RSBN1L: variants seen among roughly 807,000 people sequenced by gnomAD.
RSBN1L encodes the protein round spermatid basic protein 1 like.
A neutral mutation model predicts 67.7 loss-of-function variants in RSBN1L; 30 were observed. That is an observed-to-expected ratio of 0.44 (90% CI 0.33 to 0.60). The LOEUF (loss-of-function observed/expected upper bound fraction) is 0.60, where lower values mean the gene tolerates loss of function less well. Among genes scored for constraint, RSBN1L ranks in the 20% least tolerant of loss-of-function variants. RSBN1L has a pLI of 0.02. For synonymous variants in RSBN1L, 433 were observed against 387.0 expected, an observed-to-expected ratio of 1.12 and a Z score of -1.39; for missense variants, 992 against 1,031.7, an observed-to-expected ratio of 0.96 and a Z score of 0.53.
Position 77,782,971 on chromosome 7 carries a change from G to T in RSBN1L, c.*3803G>T, listed in dbSNP as rs947132917. The T allele has an allele frequency of 7.2e-5, 11 of 152,170 alleles. No homozygotes were observed. The highest frequency in any genetic ancestry group is 2.4e-4 in the African/African-American group (10 of 41,448). The allele number at this position is 152,170 out of a possible 1,614,324, so 9.4% of individuals were successfully genotyped here. A position where few individuals can be genotyped will look rare whatever the true frequency, so the allele number is the denominator to read the frequency against. ...CAACATTTGTTTTTGGAGTTTGAGA[G>T]ATATTTTCCTTGTCTTCCATCATTC... is the stretch of plus-strand genomic sequence containing the variant. On this transcript the variant is annotated 3_prime_UTR_variant, in exon 8 of 8. Coordinates refer to ENST00000334955, the MANE Select transcript of RSBN1L (RefSeq NM_198467.3).
At position 77,775,195 on chromosome 7, in the gene RSBN1L, C is replaced by T. The variant is rs531081246; in HGVS notation, c.1793+1881C>T. On this transcript the variant is annotated intron_variant, in intron 6 of 7. Transcript: ENST00000334955. The stretch of plus-strand genomic sequence containing the variant: ...GCTCAAAGTGCTAGGATTACAGGTG[C>T]GAAACACTGCACCTGGCCTTATTAG... Among the ~76,000 whole-genome samples, 188 of 152,144 alleles carry T rather than the reference C, an allele frequency of 1.2e-3. 1 individual carries two copies. The highest frequency in any genetic ancestry group is 4.3e-3 in the African/African-American group (178 of 41,488).
chr7:77,768,259 T>C (rs1733482347), intron 4 of RSBN1L: 1 of 155,486 alleles, frequency 6.4e-6, no homozygotes, highest in African/African-American at 2.4e-5. Context: ...TGTTTTGTTT[T>C]TAATTATCAT....
intron 4 of RSBN1L, among the ~76,000 whole-genome samples, chr7:77,767,720 C>T (rs1483581354): frequency 5.7e-5 from 7 of 122,214 alleles, no homozygotes; most frequent in Admixed American, 3.9e-4. Context: ...CTCTGTCTCT[C>T]GCCTCGCCTC....
At position 77,696,510 on chromosome 7, in the gene RSBN1L, C is replaced by A. The variant is rs1790726418; in HGVS notation, c.41C>A (p.Ala14Glu). ...PPSPVHCVAA[A>E]APTATVSEKE... ...AGCCCCGTGCACTGTGTCGCTGCCG[C>A]GGCCCCCACCGCCACCGTCTCGGAG... Residue 14 changes from alanine (A) to glutamate (E), a missense_variant, in exon 1 of 8, where the codon GCG becomes GAG. Physicochemically the swap from Ala to Glu is moderately radical, Grantham distance 107. Around this residue, in one of 7 missense-constraint regions of RSBN1L, gnomAD observed 575 missense variants for 483.2 expected, o/e 1.19. Coordinates refer to ENST00000334955, the MANE Select transcript of RSBN1L (RefSeq NM_198467.3). The A allele has an allele frequency of 6.2e-7, 1 of 1,613,600 alleles. No homozygotes were observed. The highest frequency in any genetic ancestry group is 1.3e-5 in the African/African-American group (1 of 75,070).
intron 1 of RSBN1L, among the ~76,000 whole-genome samples, chr7:77,700,433 A>T (rs374991808): frequency 6.6e-6 from 1 of 152,248 alleles, no homozygotes; most frequent in African/African-American, 2.4e-5. Context: ...AGACAAAACC[A>T]GAGCATTTCA....
At chr7:77,697,127 C>G (rs1790747351) in intron 1 of RSBN1L, 72 bp downstream of exon 1, 25 of 1,283,590 alleles carry the variant, frequency 1.9e-5, no homozygotes, top group Non-Finnish European at 2.5e-5. Flanking sequence ...CCACGGGGCC[C>G]GGGAAGGGGG....
chr7:77,764,922 C>T (rs1195573958), intron 3 of RSBN1L, among the ~76,000 whole-genome samples: 1 of 152,136 alleles, frequency 6.6e-6, no homozygotes, highest in Non-Finnish European at 1.5e-5. Flanking sequence ...TGAGCCACTG[C>T]GCCCGGCTGT....
chr7:77,724,488 C>G (rs1381517006), intron 1 of RSBN1L, among the ~76,000 whole-genome samples: 1 of 146,524 alleles, frequency 6.8e-6, no homozygotes, highest in African/African-American at 2.5e-5. Context: ...TACACTGGTG[C>G]GCTCTTGGTT....
Position 77,747,073 on chromosome 7 carries a change from A to G in RSBN1L, c.704-2351A>G, listed in dbSNP as rs775373836. ...TCTACCATTCTGGGGTCTGGAGGAC[A>G]GTGGCCCTCTTCTCATAGCCCCACT... On this transcript the variant is annotated intron_variant, in intron 2 of 7. Transcript: ENST00000334955. Among the ~76,000 whole-genome samples, 10 of 152,088 alleles carry G rather than the reference A, an allele frequency of 6.6e-5. No individual in the cohort carries two copies. In the South Asian group the frequency reaches 1.2e-3, roughly 19 times the overall value.
At chr7:77,732,937 A>T (rs1791289631) in intron 1 of RSBN1L, among the ~76,000 whole-genome samples, 1 of 152,142 alleles carries the variant, frequency 6.6e-6, no homozygotes, top group South Asian at 2.1e-4. Flanking sequence ...GTTTGTAGGT[A>T]TCCCACTTTA....
intron 3 of RSBN1L, among the ~76,000 whole-genome samples, chr7:77,763,734 C>T (rs1421634675): frequency 6.6e-6 from 1 of 152,060 alleles, no homozygotes; most frequent in Non-Finnish European, 1.5e-5. Context: ...GCTCTGTTGC[C>T]CAGGCTGGAG....
chr7:77,697,408 A>G (rs1021706055), intron 1 of RSBN1L: 1 of 212,900 alleles, frequency 4.7e-6, no homozygotes, highest in Non-Finnish European at 9.3e-6. Context: ...TTGGTTTTGT[A>G]AAAGATGCTT....
At chr7:77,743,711 A>G (rs1477007343) in intron 2 of RSBN1L, among the ~76,000 whole-genome samples, 1 of 152,198 alleles carries the variant, frequency 6.6e-6, no homozygotes, top group Non-Finnish European at 1.5e-5. Context: ...TTTTGGCAAC[A>G]ATTGCGTAAT....
intron 3 of RSBN1L, among the ~76,000 whole-genome samples, chr7:77,751,257 A>T (rs1791552907): frequency 6.6e-6 from 1 of 152,114 alleles, no homozygotes; most frequent in African/African-American, 2.4e-5. Context: ...CTCCTGATTC[A>T]GCCTCCCAAG....
intron 2 of RSBN1L, among the ~76,000 whole-genome samples, chr7:77,741,081 G>A (rs1791404019): frequency 6.6e-6 from 1 of 150,688 alleles, no homozygotes; most frequent in South Asian, 2.1e-4. Context: ...CTGTTTCCCG[G>A]GTTCAAGCGA....
chr7:77,777,327 G>A (rs2150435443), intron 6 of RSBN1L, among the ~76,000 whole-genome samples: 1 of 151,260 alleles, frequency 6.6e-6, no homozygotes, highest in Non-Finnish European at 1.5e-5. Context: ...TTATCATTAG[G>A]TGTGCTGTAC....
chr7:77,712,427 C>T (rs937699319), intron 1 of RSBN1L, among the ~76,000 whole-genome samples: 1 of 151,964 alleles, frequency 6.6e-6, no homozygotes, highest in Non-Finnish European at 1.5e-5. Flanking sequence ...ATTATAGACA[C>T]GTGCCATCAT....
intron 1 of RSBN1L, among the ~76,000 whole-genome samples, chr7:77,727,821 T>C (rs1052359862): frequency 4.6e-5 from 7 of 152,154 alleles, no homozygotes; most frequent in African/African-American, 1.7e-4. Flanking sequence ...CCACATACCT[T>C]AGTTAAAACA....
rs1792012933 is a variant in RSBN1L at position 77,782,566 on chromosome 7, T to C, written c.*3398T>C. The C allele has an allele frequency of 6.6e-6, 1 of 152,226 alleles. No individual in the cohort carries two copies. The highest frequency in any genetic ancestry group is 2.1e-4 in the South Asian group (1 of 4,832). 9.4% of individuals were successfully genotyped at this position (152,226 alleles called of 1,614,324 possible). A position where few individuals can be genotyped will look rare whatever the true frequency, so the allele number is the denominator to read the frequency against. On this transcript the variant is annotated 3_prime_UTR_variant, in exon 8 of 8. Transcript: ENST00000334955. ...TCATTATCTTCCTTGTCACCAAGGC[T>C]GTTGACCTTAAATAAACATTAAGTT...
Sources: allele counts gnomAD v4.1 joint callset (sites outside exome capture counted in the v4.1 genomes callset), GRCh38; gene constraint gnomAD v4.1.1; regional missense constraint gnomAD v4.1.1; transcripts MANE v1.5; gene names NCBI Gene and HGNC (gene_info 2026-07-23, HGNC 2026-07-21).